GMDS: variants seen among roughly 807,000 people sequenced by gnomAD.
The protein encoded by GMDS is GDP-mannose 4,6-dehydratase, also known as GDP-mannose 4,6 dehydratase.
GMDS carries 20 observed loss-of-function variants against 49.9 expected under a neutral mutation model. The observed-to-expected ratio is 0.40, with a 90% CI of 0.28 to 0.58. The LOEUF is 0.58. Among genes scored for constraint, GMDS ranks in the 20% least tolerant of loss-of-function variants. GMDS has a pLI of 0.42. For synonymous variants in GMDS, 177 were observed against 178.6 expected, an observed-to-expected ratio of 0.99 and a Z score of 0.07; for missense variants, 362 against 481.4, an observed-to-expected ratio of 0.75 and a Z score of 2.32.
At chr6:1,933,830 C>A (rs1016936338) in intron 6 of GMDS, among the ~76,000 whole-genome samples, 2 of 152,192 alleles carry the variant, frequency 1.3e-5, no homozygotes, top group African/African-American at 4.8e-5. Context: ...TGACTTTTCA[C>A]TTTCTTGGTT....
intron 7 of GMDS, among the ~76,000 whole-genome samples, chr6:1,804,355 C>T (rs895321558): frequency 6.6e-6 from 1 of 152,272 alleles, no homozygotes; most frequent in African/African-American, 2.4e-5. Flanking sequence ...TCTGAACTCA[C>T]GGCTGGCCAG....
chr6:2,037,750 A>G (rs1769387725), intron 4 of GMDS, among the ~76,000 whole-genome samples: 1 of 152,154 alleles, frequency 6.6e-6, no homozygotes, highest in African/African-American at 2.4e-5. Context: ...TAGTGTTTAC[A>G]ACCGCTCAAG....
Position 1,629,662 on chromosome 6 carries a change from C to T in GMDS, c.988-5122G>A, listed in dbSNP as rs540778489. Among the ~76,000 whole-genome samples, 35 of 152,280 alleles carry T rather than the reference C, an allele frequency of 2.3e-4. No individual in the cohort carries two copies. In the South Asian group the frequency reaches 4.4e-3, roughly 19 times the overall value. ...AACCACCACTGGACACTCCCACTGT[C>T]GCCACTGTCACCTCTGCTGGGAGCC... is the stretch of plus-strand genomic sequence containing the variant. On this transcript the variant is annotated intron_variant, in intron 9 of 10. Coordinates refer to ENST00000380815, the MANE Select transcript of GMDS (RefSeq NM_001500.4).
At chr6:1,925,381 G>T (rs1761944610) in intron 7 of GMDS, among the ~76,000 whole-genome samples, 1 of 152,156 alleles carries the variant, frequency 6.6e-6, no homozygotes, top group African/African-American at 2.4e-5. Context: ...TCAGCAACAA[G>T]TAAGGACTTT....
intron 4 of GMDS, among the ~76,000 whole-genome samples, chr6:2,069,203 T>C (rs1771822569): frequency 1.3e-5 from 2 of 152,202 alleles, no homozygotes; most frequent in Admixed American, 1.3e-4. Context: ...CTGGGAAAAC[T>C]GGCTAGCCCT....
chr6:2,184,129 T>TCA (rs1778674666), intron 1 of GMDS, among the ~76,000 whole-genome samples: 1 of 152,230 alleles, frequency 6.6e-6, no homozygotes, highest in Non-Finnish European at 1.5e-5. Flanking sequence ...GAGGTATGCC[T>TCA]GTATCATACA....
intron 7 of GMDS, among the ~76,000 whole-genome samples, chr6:1,922,383 T>C (rs1761759382): frequency 6.6e-6 from 1 of 152,188 alleles, no homozygotes; most frequent in South Asian, 2.1e-4. Context: ...ACTACTGCTA[T>C]ATGCTACTCT....
At chr6:1,858,472 C>T (rs1027735806) in intron 7 of GMDS, among the ~76,000 whole-genome samples, 4 of 152,138 alleles carry the variant, frequency 2.6e-5, no homozygotes, top group Admixed American at 1.3e-4. Context: ...AATAACAATG[C>T]TTTGCTTGTC....
At chr6:2,221,531 G>T (rs1780588765) in intron 1 of GMDS, among the ~76,000 whole-genome samples, 1 of 152,122 alleles carries the variant, frequency 6.6e-6, no homozygotes, top group Non-Finnish European at 1.5e-5. Flanking sequence ...TGGGACTACA[G>T]GCACCCGCCA....
intron 7 of GMDS, among the ~76,000 whole-genome samples, chr6:1,891,906 C>T (rs1313384268): frequency 6.6e-6 from 1 of 152,278 alleles, no homozygotes; most frequent in South Asian, 2.1e-4. Context: ...GCTGAAATTG[C>T]CAAGGAGGCC....
At position 2,111,232 on chromosome 6, in the gene GMDS, A is replaced by AAAAAAAT. The variant is rs1420575751; in HGVS notation, c.345+4538_345+4539insATTTTTT. On this transcript the variant is annotated intron_variant, in intron 4 of 10. Transcript: ENST00000380815. ...ACCGCACAACCACAACAAAAAAAGCAGTTTCCTAAAACATTTTCTCCATCA... is the reference window on the plus strand; with the variant it reads ...ACCGCACAACCACAACAAAAAAAGCAAAAAAATGTTTCCTAAAACATTTTCTCCATCA... Among the ~76,000 whole-genome samples the AAAAAAAT allele has an allele frequency of 2.0e-5, 3 of 152,240 alleles. No homozygotes were observed. The East Asian group carries it at 5.8e-4, about 29-fold the overall frequency.
chr6:2,158,596 C>A (rs1349445727), intron 1 of GMDS, among the ~76,000 whole-genome samples: 1 of 152,168 alleles, frequency 6.6e-6, no homozygotes, highest in Non-Finnish European at 1.5e-5. Context: ...AATCACAAAT[C>A]AAAACTGCTC....
At chr6:1,956,855 G>C (rs1415711106) in intron 6 of GMDS, among the ~76,000 whole-genome samples, 1 of 150,420 alleles carries the variant, frequency 6.6e-6, no homozygotes, top group African/African-American at 2.5e-5. Context: ...ACTGTCGCCT[G>C]GGCTGGCACA....
chr6:1,970,809 G>T (rs925792259), intron 4 of GMDS, among the ~76,000 whole-genome samples: 8 of 152,280 alleles, frequency 5.3e-5, no homozygotes, highest in African/African-American at 1.9e-4. Flanking sequence ...TGTCAGGGAG[G>T]TGGAAGGAGG....
intron 1 of GMDS, among the ~76,000 whole-genome samples, chr6:2,135,171 A>G (rs1012735816): frequency 6.6e-6 from 1 of 152,246 alleles, no homozygotes; most frequent in African/African-American, 2.4e-5. Context: ...GCAGTTTTTT[A>G]AAGAAATTAA....
At chr6:1,852,294 T>C (rs1757713385) in intron 7 of GMDS, among the ~76,000 whole-genome samples, 1 of 152,232 alleles carries the variant, frequency 6.6e-6, no homozygotes, top group East Asian at 1.9e-4. Flanking sequence ...CAATATGTAG[T>C]ATGCATGCCA....
At chr6:2,097,000 T>C (rs1338229593) in intron 4 of GMDS, among the ~76,000 whole-genome samples, 3 of 152,028 alleles carry the variant, frequency 2.0e-5, no homozygotes, top group Non-Finnish European at 4.4e-5. Flanking sequence ...AAGACAGATA[T>C]ATAATATGTA....
chr6:1,780,338 G>A (rs1228788082), intron 7 of GMDS, among the ~76,000 whole-genome samples: 1 of 152,174 alleles, frequency 6.6e-6, no homozygotes, highest in Non-Finnish European at 1.5e-5. Flanking sequence ...TCTTTTAGGG[G>A]TTAAATTACA....
At position 1,986,509 on chromosome 6, in the gene GMDS, A is replaced by G. The variant is rs186412094; in HGVS notation, c.346-25543T>C. ...AAAATATATTAAGAATTAAATACCT[A>G]AGAAAGTTGTCTTAAGTTTCTAAGA... On this transcript the variant is annotated intron_variant, in intron 4 of 10. Coordinates refer to ENST00000380815, the MANE Select transcript of GMDS (RefSeq NM_001500.4). Among the ~76,000 whole-genome samples, 20 of 152,324 alleles carry G rather than the reference A, an allele frequency of 1.3e-4. No homozygotes were observed. In the East Asian group the frequency reaches 3.9e-3, roughly 29 times the overall value.
Sources: allele counts gnomAD v4.1 joint callset (sites outside exome capture counted in the v4.1 genomes callset), GRCh38; gene constraint gnomAD v4.1.1; transcripts MANE v1.5; gene names NCBI Gene and HGNC (gene_info 2026-07-23, HGNC 2026-07-21).